The following CNR2 variants were observed in gnomAD, a reference collection of about 807,000 sequenced individuals.
CNR2 encodes cannabinoid receptor 2.
For missense variants in CNR2, 379 were observed against 439.9 expected (o/e 0.86, Z 1.24); for synonymous variants, 172 against 182.2 (o/e 0.94, Z 0.45).
Position 23,891,275 on chromosome 1 carries a change from T to TTGTGTG in CNR2, c.-45-15619_-45-15614dup, listed in dbSNP as rs57856234. Among the ~76,000 whole-genome samples, 135 of 150,432 alleles carry TTGTGTG rather than the reference T, an allele frequency of 9.0e-4. 1 individual carries two copies. The highest frequency in any genetic ancestry group is 8.5e-3 in the East Asian group (43 of 5,056). On this transcript the variant is annotated intron_variant, in intron 1 of 1. Coordinates refer to ENST00000374472, the MANE Select transcript of CNR2 (RefSeq NM_001841.3). ...CTGTGGGGTTTTTTGACCAAATCTT[T>TTGTGTG]TGTGTGTGTGTGTGTGTGTGTGTGT...
At chr1:23,908,050 G>A (rs754197961) in intron 1 of CNR2, among the ~76,000 whole-genome samples, 2 of 115,930 alleles carry the variant, frequency 1.7e-5, no homozygotes, top group Non-Finnish European at 3.2e-5. Context: ...GCGTGATCTT[G>A]GCTCACTGCA....
chr1:23,882,126 C>T (rs1286376107), intron 1 of CNR2, among the ~76,000 whole-genome samples: 6 of 151,864 alleles, frequency 4.0e-5, no homozygotes, highest in African/African-American at 1.4e-4. Context: ...TTTCACCATA[C>T]TGGCCAGGCT....
chr1:23,901,263 C>A lies in CNR2; in HGVS notation c.-46+11983G>T, dbSNP rs1228541628. ...TAAATCTTCCTCCACCTGAGACGTG[C>A]ACCCCAGTGTACCAGAGATGCCTAA... is the stretch of plus-strand genomic sequence containing the variant. On this transcript the variant is annotated intron_variant, in intron 1 of 1. Transcript: ENST00000374472. Among the ~76,000 whole-genome samples, 8 of 152,136 alleles carry A rather than the reference C, an allele frequency of 5.3e-5. 1 individual carries two copies. The highest frequency in any genetic ancestry group is 1.9e-4 in the African/African-American group (8 of 41,432).
chr1:23,906,234 C>G (rs993740256), intron 1 of CNR2, among the ~76,000 whole-genome samples: 9 of 152,038 alleles, frequency 5.9e-5, no homozygotes, highest in Non-Finnish European at 1.2e-4. Flanking sequence ...CCACCTCCTG[C>G]CCCTTATTAA....
intron 1 of CNR2, among the ~76,000 whole-genome samples, chr1:23,909,149 G>A (rs1365576895): frequency 6.6e-6 from 1 of 151,994 alleles, no homozygotes; most frequent in Non-Finnish European, 1.5e-5. Flanking sequence ...TCGCCTGCTG[G>A]GGAATCCTTC....
chr1:23,880,121 CT>C (rs1467945424), intron 1 of CNR2, among the ~76,000 whole-genome samples: 2 of 151,202 alleles, frequency 1.3e-5, no homozygotes, highest in Admixed American at 6.6e-5. Context: ...CCAGATCTTA[CT>C]TTTTCAATGA....
chr1:23,912,984 T>G (rs1341585606), intron 1 of CNR2, among the ~76,000 whole-genome samples: 6 of 152,154 alleles, frequency 3.9e-5, no homozygotes, highest in Admixed American at 2.0e-4. Flanking sequence ...CTGGCCAACA[T>G]GGTGAAACCC....
chr1:23,906,546 C>CTTTTTTTTTTTTTTTTTTTTTT (rs55955111), intron 1 of CNR2, among the ~76,000 whole-genome samples: 1 of 132,370 alleles, frequency 7.6e-6, no homozygotes, highest in Non-Finnish European at 1.6e-5. Flanking sequence ...TTTTTTCTTT[C>CTTTTTTTTTTTTTTTTTTTTTT]TTTTTTTTTT....
chr1:23,910,990 T>C (rs1029332510), intron 1 of CNR2, among the ~76,000 whole-genome samples: 1 of 152,160 alleles, frequency 6.6e-6, no homozygotes, highest in Non-Finnish European at 1.5e-5. Context: ...TTGGTTTTTC[T>C]CATCTGTAAG....
At chr1:23,899,351 C>T (rs1381748448) in intron 1 of CNR2, among the ~76,000 whole-genome samples, 1 of 150,516 alleles carries the variant, frequency 6.6e-6, no homozygotes. Context: ...TTAACTGACT[C>T]CATCTTGCTT....
At chr1:23,883,255 A>G (rs995262748) in intron 1 of CNR2, among the ~76,000 whole-genome samples, 5 of 152,206 alleles carry the variant, frequency 3.3e-5, no homozygotes, top group Non-Finnish European at 7.3e-5. Context: ...TCTCATTGCG[A>G]TGGGGGTGTA....
chr1:23,906,553 T>TG (rs1640489424), intron 1 of CNR2, among the ~76,000 whole-genome samples: 1 of 150,122 alleles, frequency 6.7e-6, no homozygotes, highest in African/African-American at 2.4e-5. Flanking sequence ...TTTCTTTTTT[T>TG]TTTTTTAGAG....
intron 1 of CNR2, among the ~76,000 whole-genome samples, chr1:23,911,502 A>G (rs1291124630): frequency 2.0e-5 from 3 of 152,070 alleles, no homozygotes; most frequent in Non-Finnish European, 4.4e-5. Flanking sequence ...GTCAATGTGC[A>G]TGGGTGGGGA....
At chr1:23,876,677 T>C (rs1233912013) in intron 1 of CNR2, among the ~76,000 whole-genome samples, 1 of 151,656 alleles carries the variant, frequency 6.6e-6, no homozygotes, top group East Asian at 2.0e-4. Flanking sequence ...CTACTAAAAA[T>C]ACAAAAAATT....
chr1:23,883,319 A>G (rs1470233079), intron 1 of CNR2, among the ~76,000 whole-genome samples: 1 of 152,228 alleles, frequency 6.6e-6, no homozygotes, highest in African/African-American at 2.4e-5. Context: ...GAAGTTGACG[A>G]TACATCAATT....
chr1:23,899,652 TA>T (rs1221084765), intron 1 of CNR2, among the ~76,000 whole-genome samples: 1 of 148,316 alleles, frequency 6.7e-6, no homozygotes, highest in African/African-American at 2.5e-5. Flanking sequence ...CCGCCTCCAC[TA>T]AAAATACAAA....
chr1:23,884,104 G>A (rs1302298212), intron 1 of CNR2, among the ~76,000 whole-genome samples: 1 of 151,150 alleles, frequency 6.6e-6, no homozygotes, highest in Non-Finnish European at 1.5e-5. Flanking sequence ...TTTTGAGACA[G>A]AGTCTCACTC....
intron 1 of CNR2, chr1:23,902,698 C>G: frequency 6.3e-7 from 1 of 1,592,398 alleles, no homozygotes; most frequent in Non-Finnish European, 8.5e-7. Flanking sequence ...GCCACGAGCT[C>G]GTTGTTGAAC....
chr1:23,902,986 C>G (rs1267872552), intron 1 of CNR2, among the ~76,000 whole-genome samples: 1 of 151,670 alleles, frequency 6.6e-6, no homozygotes, highest in African/African-American at 2.4e-5. Context: ...CGCGCCGCGC[C>G]GGGGCCTCGG....
Sources: gnomAD v4.1 joint callset for allele counts (sites outside exome capture counted in the v4.1 genomes callset) on GRCh38, gnomAD v4.1.1 for gene constraint, MANE v1.5 for transcripts, NCBI Gene and HGNC (gene_info 2026-07-23, HGNC 2026-07-21) for gene names.